Variants in POU3F4 observed in about 807,000 individuals in gnomAD.
POU3F4 encodes the protein POU domain, class 3, transcription factor 4.
Under a neutral mutation model 15.2 loss-of-function variants are expected in POU3F4, and 2 were observed. That is an observed-to-expected ratio of 0.13 (90% CI 0.05 to 0.42). The LOEUF (loss-of-function observed/expected upper bound fraction) is 0.42. POU3F4 is among the 10% of genes least tolerant of loss of function. POU3F4 has a pLI of 0.99. For missense variants in POU3F4, 220 were observed against 297.0 expected (o/e 0.74, Z 1.91); for synonymous variants, 158 against 133.3 (o/e 1.19, Z -1.28).
Position 83,508,894 on chromosome X carries a change from C to T in POU3F4, c.570C>T (p.Thr190=). Residue 190 remains threonine (T), a synonymous_variant, in exon 1 of 1, where the codon ACC becomes ACT. Coordinates refer to ENST00000644024, the MANE Select transcript of POU3F4 (RefSeq NM_000307.5). ...CQDHSDEETP[T]SDELEQFAKQ... is the part of the protein sequence containing the mutation. ...ATCACTCCGACGAGGAGACGCCAAC[C>T]TCTGATGAGTTGGAACAGTTCGCCA... 8.3e-7 allele frequency: 1 copy of T among 1,212,034 alleles called. No homozygotes were observed. Among genetic ancestry groups the T allele is most frequent in the Non-Finnish European group, 1.1e-6 (1 of 895,532 alleles).
rs947995853 is a variant in POU3F4, at chrX:83,509,598, T to C, written c.*188T>C. ...TCCTTTCCCCTTTTTCTTTCCCTTC[T>C]TTTTCCCTTTCCTTTCCTTTCATTT... On this transcript the variant is annotated 3_prime_UTR_variant, in exon 1 of 1. Coordinates refer to ENST00000644024, the MANE Select transcript of POU3F4 (RefSeq NM_000307.5). 2 of 597,854 alleles carry C rather than the reference T, an allele frequency of 3.3e-6. No homozygotes were observed. Among genetic ancestry groups the C allele is most frequent in the African/African-American group, 4.6e-5 (2 of 43,386 alleles). The allele number at this position is 597,854 out of a possible 1,213,427, so 49.3% of individuals were successfully genotyped here. A position where few individuals can be genotyped will look rare whatever the true frequency, so the allele number is the denominator to read the frequency against.
rs1040189083 is a variant in POU3F4 at position 83,509,991 on chromosome X, A to T, written c.*581A>T. On this transcript the variant is annotated 3_prime_UTR_variant, in exon 1 of 1. Transcript: ENST00000644024. The stretch of plus-strand genomic sequence containing the variant: ...GGCGGGGGAGGGATTGGGAAGACAG[A>T]TGTGTGCCTCTGAATAACCTTTCAG... 1 of 111,937 alleles carries T rather than the reference A, an allele frequency of 8.9e-6. No individual in the cohort carries two copies. The highest frequency in any genetic ancestry group is 1.9e-5 in the Non-Finnish European group (1 of 53,538). 9.2% of individuals were successfully genotyped at this position (111,937 alleles called of 1,213,427 possible). A position where few individuals can be genotyped will look rare whatever the true frequency, so the allele number is the denominator to read the frequency against.
Position 83,508,384 on chromosome X carries a change from G to C in POU3F4, c.60G>C (p.Ala20=). The part of the protein sequence containing the change: ...SILSSTSLVH[A]DSAGMQQGSP... ...TCAGTTCCACCTCCCTAGTCCATGC[G>C]GACTCTGCGGGCATGCAGCAGGGGA... is the stretch of plus-strand genomic sequence containing the variant. Residue 20 remains alanine, a synonymous_variant, in exon 1 of 1, where the codon GCG becomes GCC. Coordinates refer to ENST00000644024, the MANE Select transcript of POU3F4 (RefSeq NM_000307.5). 1 of 1,211,957 alleles carries C rather than the reference G, an allele frequency of 8.3e-7. No individual in the cohort carries two copies. The highest frequency in any genetic ancestry group is 1.1e-6 in the Non-Finnish European group (1 of 895,484).
chrX:83,510,664 C>A lies in POU3F4; in HGVS notation c.*1254C>A, dbSNP rs1408954800. The A allele has an allele frequency of 3.6e-5, 4 of 111,745 alleles. No homozygotes were observed. Among genetic ancestry groups the A allele is most frequent in the African/African-American group, 1.3e-4 (4 of 30,706 alleles). The allele number at this position is 111,745 out of a possible 1,213,427, so 9.2% of individuals were successfully genotyped here. A position where few individuals can be genotyped will look rare whatever the true frequency, so the allele number is the denominator to read the frequency against. On this transcript the variant is annotated 3_prime_UTR_variant, in exon 1 of 1. Transcript: ENST00000644024. ...GCTAGGGCGACCTTCCGCGCGACCT[C>A]ACTTCGGCCCTCCTAGAGGAAAGAC...
Position 83,510,446 on chromosome X carries a change from C to T in POU3F4, c.*1036C>T, listed in dbSNP as rs1410082793. ...TTTGCAAACTAGTGCGAAGTAGCAG[C>T]GGCGATTTCGCAGCTTTCTGCCCTC... On this transcript the variant is annotated 3_prime_UTR_variant, in exon 1 of 1. Transcript: ENST00000644024. 1 of 111,592 alleles carries T rather than the reference C, an allele frequency of 9.0e-6. No individual in the cohort carries two copies. Among genetic ancestry groups the T allele is most frequent in the Non-Finnish European group, 1.9e-5 (1 of 53,096 alleles). The allele number at this position is 111,592 out of a possible 1,213,427, so 9.2% of individuals were successfully genotyped here.
In POU3F4 at chrX:83,508,987, A is replaced by G. The variant is rs770109931; in HGVS notation, c.663A>G (p.Thr221=). ...CCGACGTGGGGTTGGCGCTGGGCAC[A>G]CTGTATGGTAACGTGTTCTCGCAGA... The part of the protein sequence containing the change: ...TQADVGLALG[T]LYGNVFSQTT... The change falls in exon 1 of 1, where the codon ACA becomes ACG. Residue 221 remains threonine, a synonymous_variant. Coordinates refer to ENST00000644024, the MANE Select transcript of POU3F4 (RefSeq NM_000307.5). 2.5e-6 allele frequency: 3 copies of G among 1,212,173 alleles called. No individual in the cohort carries two copies. The highest frequency in any genetic ancestry group is 3.3e-6 in the Non-Finnish European group (3 of 895,593).
chrX:83,512,092 A>G lies in POU3F4; in HGVS notation c.*2682A>G, dbSNP rs1217254802. On this transcript the variant is annotated 3_prime_UTR_variant, in exon 1 of 1. Transcript: ENST00000644024. Reference sequence around the variant, plus strand: ...CAATATTTTATTGTTGTAAAAGATTAAAAAGGTTTAAATAAAACATTTTTC... The same window carrying G: ...CAATATTTTATTGTTGTAAAAGATTGAAAAGGTTTAAATAAAACATTTTTC... 1 of 112,804 alleles carries G rather than the reference A, an allele frequency of 8.9e-6. No individual in the cohort carries two copies. Among genetic ancestry groups the G allele is most frequent in the African/African-American group, 3.2e-5 (1 of 31,034 alleles). 9.3% of individuals were successfully genotyped at this position (112,804 alleles called of 1,213,427 possible).
rs760453572 is a variant in POU3F4, at chrX:83,511,662, C to G, written c.*2252C>G. On this transcript the variant is annotated 3_prime_UTR_variant, in exon 1 of 1. Coordinates refer to ENST00000644024, the MANE Select transcript of POU3F4 (RefSeq NM_000307.5). ...GGATTTTATTTTTTTTTCCCCCACA[C>G]TGAGTTCATGTTTTACAACTGTTGG... 8.9e-6 allele frequency: 1 copy of G among 112,047 alleles called. No individual in the cohort carries two copies. The highest frequency in any genetic ancestry group is 3.7e-4 in the South Asian group (1 of 2,705). 9.2% of individuals were successfully genotyped at this position (112,047 alleles called of 1,213,427 possible). A position where few individuals can be genotyped will look rare whatever the true frequency, so the allele number is the denominator to read the frequency against.
rs1003167245 is a variant in POU3F4 at position 83,512,118 on chromosome X, CAA to C, written c.*2716_*2717del. Reference sequence around the variant, plus strand: ...AAAAGGTTTAAATAAAACATTTTTCCAAAAAAAAAGTTTTCTTCTCCTGGTCT... The same window carrying C: ...AAAAGGTTTAAATAAAACATTTTTCCAAAAAAAGTTTTCTTCTCCTGGTCT... On this transcript the variant is annotated 3_prime_UTR_variant, in exon 1 of 1. Coordinates refer to ENST00000644024, the MANE Select transcript of POU3F4 (RefSeq NM_000307.5). The C allele has an allele frequency of 9.0e-6, 1 of 110,737 alleles. No homozygotes were observed. Among genetic ancestry groups the C allele is most frequent in the Admixed American group, 9.5e-5 (1 of 10,510 alleles). 9.1% of individuals were successfully genotyped at this position (110,737 alleles called of 1,213,427 possible).
Position 83,509,943 on chromosome X carries a change from G to A in POU3F4, c.*533G>A, listed in dbSNP as rs1172525347. On this transcript the variant is annotated 3_prime_UTR_variant, in exon 1 of 1. Coordinates refer to ENST00000644024, the MANE Select transcript of POU3F4 (RefSeq NM_000307.5). ...CTCCTCTCTAGGAAGAACAAGGAGT[G>A]GGATAACGTGGGGGCGGGGTGGGGC... 3 of 101,586 alleles carry A rather than the reference G, an allele frequency of 3.0e-5. No homozygotes were observed. Among genetic ancestry groups the A allele is most frequent in the African/African-American group, 1.1e-4 (3 of 27,600 alleles). The allele number at this position is 101,586 out of a possible 1,213,427, so 8.4% of individuals were successfully genotyped here.
Position 83,508,690 on chromosome X carries a change from G to A in POU3F4, c.366G>A (p.Pro122=). 2.5e-6 allele frequency: 3 copies of A among 1,211,587 alleles called. No individual in the cohort carries two copies. Among genetic ancestry groups the A allele is most frequent in the Non-Finnish European group, 3.4e-6 (3 of 895,352 alleles). The change falls in exon 1 of 1, where the codon CCG becomes CCA. Residue 122 remains proline, a synonymous_variant. Coordinates refer to ENST00000644024, the MANE Select transcript of POU3F4 (RefSeq NM_000307.5). ...NAWGASPAPN[P]SITSSGQPLN... is the part of the protein sequence containing the mutation. Reference sequence around the variant, plus strand: ...GGGGGGCCAGCCCGGCACCGAACCCGTCTATCACGTCAAGCGGCCAACCCC... The same window carrying A: ...GGGGGGCCAGCCCGGCACCGAACCCATCTATCACGTCAAGCGGCCAACCCC...
chrX:83,508,671 C>G lies in POU3F4; in HGVS notation c.347C>G (p.Ala116Gly). 3 of 1,211,929 alleles carry G rather than the reference C, an allele frequency of 2.5e-6. No homozygotes were observed. Among genetic ancestry groups the G allele is most frequent in the Non-Finnish European group, 2.2e-6 (2 of 895,481 alleles). ...ACTAACCACCCCAACGCCTGGGGGG[C>G]CAGCCCGGCACCGAACCCGTCTATC... ...PHTNHPNAWGASPAPNPSITS... is the reference protein window; with the variant it reads ...PHTNHPNAWGGSPAPNPSITS... The change falls in exon 1 of 1, where the codon GCC becomes GGC. Residue 116 changes from alanine (A) to glycine (G), a missense_variant. This residue lies in a region of POU3F4 where 161 missense variants were observed against 154.1 expected (regional missense o/e 1.05). Coordinates refer to ENST00000644024, the MANE Select transcript of POU3F4 (RefSeq NM_000307.5).
At position 83,510,347 on chromosome X, in the gene POU3F4, T is replaced by C. The variant is rs1475504685; in HGVS notation, c.*937T>C. Reference sequence around the variant, plus strand: ...GAGAGGATACAACGAAGAGAGTTATTGATGATGATATTGGTTATATTTTTT... The same window carrying C: ...GAGAGGATACAACGAAGAGAGTTATCGATGATGATATTGGTTATATTTTTT... On this transcript the variant is annotated 3_prime_UTR_variant, in exon 1 of 1. Transcript: ENST00000644024. The C allele has an allele frequency of 9.5e-6, 1 of 105,474 alleles. No homozygotes were observed. The highest frequency in any genetic ancestry group is 1.9e-5 in the Non-Finnish European group (1 of 51,411). The allele number at this position is 105,474 out of a possible 1,213,427, so 8.7% of individuals were successfully genotyped here. A position where few individuals can be genotyped will look rare whatever the true frequency, so the allele number is the denominator to read the frequency against.
At position 83,509,448 on chromosome X, in the gene POU3F4, C is replaced by A; in HGVS notation, c.*38C>A. 8.5e-7 allele frequency: 1 copy of A among 1,177,316 alleles called. No homozygotes were observed. On this transcript the variant is annotated 3_prime_UTR_variant, in exon 1 of 1. Coordinates refer to ENST00000644024, the MANE Select transcript of POU3F4 (RefSeq NM_000307.5). The stretch of plus-strand genomic sequence containing the variant: ...AGGAGGCGGCCGGCCGCACTGGGAG[C>A]AGCGCGGATTTCTCTTTCTCTCTCA...
Position 83,508,362 on chromosome X carries a change from G to A in POU3F4, c.38G>A (p.Ser13Asn). 1 of 1,212,213 alleles carries A rather than the reference G, an allele frequency of 8.2e-7. No individual in the cohort carries two copies. Among genetic ancestry groups the A allele is most frequent in the Non-Finnish European group, 1.1e-6 (1 of 895,583 alleles). Reference sequence around the variant, plus strand: ...GCCTCGAATCCCTACAGCATTCTCAGTTCCACCTCCCTAGTCCATGCGGAC... The same window carrying A: ...GCCTCGAATCCCTACAGCATTCTCAATTCCACCTCCCTAGTCCATGCGGAC... ...TAASNPYSIL[S>N]STSLVHADSA... Residue 13 changes from serine to asparagine, a missense_variant, in exon 1 of 1, where the codon AGT becomes AAT. Physicochemically the swap from Ser to Asn is conservative, Grantham distance 46. Coordinates refer to ENST00000644024, the MANE Select transcript of POU3F4 (RefSeq NM_000307.5).
At position 83,511,512 on chromosome X, in the gene POU3F4, C is replaced by T. The variant is rs942893862; in HGVS notation, c.*2102C>T. 7 of 112,809 alleles carry T rather than the reference C, an allele frequency of 6.2e-5. 1 individual carries two copies. The highest frequency in any genetic ancestry group is 2.8e-4 in the Admixed American group (3 of 10,720). 9.3% of individuals were successfully genotyped at this position (112,809 alleles called of 1,213,427 possible). A position where few individuals can be genotyped will look rare whatever the true frequency, so the allele number is the denominator to read the frequency against. ...GATGCGTTAGTATGAGTTGCCAGGC[C>T]TCTGGTCCACCACACTGTGTCTCCC... is the stretch of plus-strand genomic sequence containing the variant. On this transcript the variant is annotated 3_prime_UTR_variant, in exon 1 of 1. Transcript: ENST00000644024.
rs1219887341 is a variant in POU3F4 at position 83,508,641 on chromosome X, C to T, written c.317C>T (p.Pro106Leu). ...HRSPHVAHHS[P>L]HTNHPNAWGA... is the part of the protein sequence containing the mutation. ...TCGCCACACGTAGCCCACCACTCAC[C>T]GCACACTAACCACCCCAACGCCTGG... is the stretch of plus-strand genomic sequence containing the variant. Residue 106 changes from proline (P) to leucine (L), a missense_variant, in exon 1 of 1, where the codon CCG becomes CTG. Pro to Leu is a moderately conservative substitution (Grantham distance 98). Coordinates refer to ENST00000644024, the MANE Select transcript of POU3F4 (RefSeq NM_000307.5). The T allele has an allele frequency of 3.3e-6, 4 of 1,210,188 alleles. No individual in the cohort carries two copies. The highest frequency in any genetic ancestry group is 3.5e-5 in the African/African-American group (2 of 57,326).
rs1246629581 is a variant in POU3F4 at position 83,512,040 on chromosome X, G to A, written c.*2630G>A. 1 of 112,253 alleles carries A rather than the reference G, an allele frequency of 8.9e-6. No homozygotes were observed. Among genetic ancestry groups the A allele is most frequent in the Non-Finnish European group, 1.9e-5 (1 of 53,301 alleles). The allele number at this position is 112,253 out of a possible 1,213,427, so 9.3% of individuals were successfully genotyped here. On this transcript the variant is annotated 3_prime_UTR_variant, in exon 1 of 1. Transcript: ENST00000644024. Reference sequence around the variant, plus strand: ...AATTCGCTGTAATGTTTGATGTGAAGTTTTAGTCAAGGGGTTTATATTGAC... The same window carrying A: ...AATTCGCTGTAATGTTTGATGTGAAATTTTAGTCAAGGGGTTTATATTGAC...
Position 83,508,766 on chromosome X carries a change from G to C in POU3F4, c.442G>C (p.Gly148Arg), listed in dbSNP as rs773169987. 23 of 1,203,954 alleles carry C rather than the reference G, an allele frequency of 1.9e-5. No homozygotes were observed. Among genetic ancestry groups the C allele is most frequent in the Non-Finnish European group, 2.4e-5 (21 of 891,980 alleles). ...CACCGTGAGCGGCATGCTGGAACAC[G>C]GGGGACTCACCCCACCTCCAGCTGC... is the stretch of plus-strand genomic sequence containing the variant. The part of the protein sequence containing the change: ...GFTVSGMLEH[G>R]GLTPPPAAAS... Residue 148 changes from glycine to arginine, a missense_variant, in exon 1 of 1, where the codon GGG (glycine) becomes CGG (arginine). By Grantham distance (125) the Gly-to-Arg change is moderately radical. Coordinates refer to ENST00000644024, the MANE Select transcript of POU3F4 (RefSeq NM_000307.5).
Sources: allele counts gnomAD v4.1 joint callset, GRCh38; gene constraint gnomAD v4.1.1; regional missense constraint gnomAD v4.1.1; transcripts MANE v1.5; gene names NCBI Gene and HGNC (gene_info 2026-07-23, HGNC 2026-07-21).